SGIP1: variants seen among roughly 807,000 people sequenced by gnomAD.
SGIP1 encodes the protein SH3-containing GRB2-like protein 3-interacting protein 1.
SGIP1 carries 38 observed loss-of-function variants against 107.5 expected under a neutral mutation model. The ratio of observed to expected loss-of-function variants is 0.35; its 90% confidence interval spans 0.27 to 0.46. The LOEUF is 0.46. Among genes scored for constraint, SGIP1 ranks in the 20% least tolerant of loss-of-function variants. The pLI, the probability that SGIP1 is intolerant of heterozygous loss-of-function variation, is 1.00. For synonymous variants in SGIP1, 365 were observed against 366.1 expected, an observed-to-expected ratio of 1.00 and a Z score of 0.03; for missense variants, 929 against 1,019.5, an observed-to-expected ratio of 0.91 and a Z score of 1.21.
At chr1:66,548,682 T>C (rs533575638) in intron 1 of SGIP1, among the ~76,000 whole-genome samples, 1 of 152,176 alleles carries the variant, frequency 6.6e-6, no homozygotes, top group Non-Finnish European at 1.5e-5. Context: ...ATCAGAAAGA[T>C]AGAAATACTT....
chr1:66,595,989 A>G (rs538528465), intron 1 of SGIP1, among the ~76,000 whole-genome samples: 10 of 152,364 alleles, frequency 6.6e-5, no homozygotes, highest in African/African-American at 1.7e-4. Flanking sequence ...ACTGTTCTGT[A>G]GCTTGACTAT....
chr1:66,740,209 A>T (rs1268580007), intron 22 of SGIP1, among the ~76,000 whole-genome samples: 2 of 152,238 alleles, frequency 1.3e-5, no homozygotes, highest in Non-Finnish European at 2.9e-5. Flanking sequence ...GAATAGATAC[A>T]TTGTGCCTAT....
intron 13 of SGIP1, 146 bp from the exon 14 acceptor site, chr1:66,679,532 G>T: frequency 1.2e-6 from 1 of 807,380 alleles, no homozygotes; most frequent in Non-Finnish European, 1.9e-6. Context: ...CTTTGGCTTT[G>T]AACTTCAAAG....
At chr1:66,634,085 G>A (rs1031398936) in intron 3 of SGIP1, 1 of 1,602,776 alleles carries the variant, frequency 6.2e-7, no homozygotes, top group Admixed American at 1.7e-5. Context: ...TTCAGCAGGG[G>A]AAAAAAAAGA....
intron 1 of SGIP1, among the ~76,000 whole-genome samples, chr1:66,595,601 G>A (rs1003354372): frequency 1.3e-5 from 2 of 152,126 alleles, no homozygotes; most frequent in Non-Finnish European, 2.9e-5. Context: ...CCACTCTCAG[G>A]TTTTGTGCAT....
At chr1:66,690,700 C>G (rs1375300901) in intron 17 of SGIP1, among the ~76,000 whole-genome samples, 1 of 152,182 alleles carries the variant, frequency 6.6e-6, no homozygotes, top group Non-Finnish European at 1.5e-5. Flanking sequence ...TCAGAAATCA[C>G]AAAATTTAGA....
intron 1 of SGIP1, among the ~76,000 whole-genome samples, chr1:66,602,710 A>G (rs1275627980): frequency 6.6e-6 from 1 of 152,134 alleles, no homozygotes; most frequent in Non-Finnish European, 1.5e-5. Context: ...CAAAAGCCCT[A>G]CAGGTGCAAG....
chr1:66,626,080 T>A, intron 2 of SGIP1, 170 bp downstream of exon 2: 1 of 349,602 alleles, frequency 2.9e-6, no homozygotes, highest in Non-Finnish European at 5.1e-6. Flanking sequence ...AGATTTATGC[T>A]AAAAAGGTAA....
intron 1 of SGIP1, among the ~76,000 whole-genome samples, chr1:66,554,816 C>T (rs2148337035): frequency 6.6e-6 from 1 of 152,184 alleles, no homozygotes. Context: ...TAGAAAGAGT[C>T]ACAAATTGGA....
Position 66,718,495 on chromosome 1 carries a change from C to T in SGIP1, c.1631-799C>T, listed in dbSNP as rs1336851495. On this transcript the variant is annotated intron_variant, in intron 18 of 24. Transcript: ENST00000371037. ...TTTGCCATTTAACTAACTATATTAT[C>T]TTGGGCAAGTCACTTACATGGAGCT... is the stretch of plus-strand genomic sequence containing the variant. Among the ~76,000 whole-genome samples the T allele has an allele frequency of 2.0e-5, 3 of 152,058 alleles. No homozygotes were observed. The East Asian group carries it at 5.8e-4, about 29-fold the overall frequency.
At chr1:66,604,733 G>T (rs1386649068) in intron 1 of SGIP1, among the ~76,000 whole-genome samples, 1 of 152,190 alleles carries the variant, frequency 6.6e-6, no homozygotes, top group Non-Finnish European at 1.5e-5. Flanking sequence ...GATCAGCAGT[G>T]GGTTAACTGG....
In SGIP1 at chr1:66,647,408, C is replaced by A. The variant is rs78211228; in HGVS notation, c.459+3689C>A. Among the ~76,000 whole-genome samples the A allele has an allele frequency of 3.6e-3, 542 of 152,236 alleles. 4 individuals are homozygous for A. Among genetic ancestry groups the A allele is most frequent in the African/African-American group, 0.012 (516 of 41,546 alleles). ...ATGGACACATTCACTGCAAGGGAGT[C>A]TGGAAAATGTAGTGTTTTGCTAGAT... On this transcript the variant is annotated intron_variant, in intron 7 of 24. Transcript: ENST00000371037.
intron 1 of SGIP1, chr1:66,616,111 C>T (rs1382009105): frequency 6.6e-6 from 1 of 152,188 alleles, no homozygotes; most frequent in African/African-American, 2.4e-5. Flanking sequence ...AAGAGTTATA[C>T]TTCTTGTTGT....
intron 1 of SGIP1, among the ~76,000 whole-genome samples, chr1:66,563,247 C>T (rs1338224298): frequency 6.6e-6 from 1 of 151,902 alleles, no homozygotes; most frequent in Non-Finnish European, 1.5e-5. Flanking sequence ...AGGGCCGGCA[C>T]GGGAGGTACT....
chr1:66,695,265 A>T, intron 17 of SGIP1, 169 bp from the exon 18 acceptor site: 1 of 1,318,474 alleles, frequency 7.6e-7, no homozygotes, highest in Non-Finnish European at 9.9e-7. Flanking sequence ...TAAAAAAAAA[A>T]AAAAAAGTGT....
chr1:66,744,084 C>A lies in SGIP1; in HGVS notation c.*989C>A, dbSNP rs1306228989. 1 of 152,052 alleles carries A rather than the reference C, an allele frequency of 6.6e-6. No homozygotes were observed. Among genetic ancestry groups the A allele is most frequent in the East Asian group, 1.9e-4 (1 of 5,192 alleles). 9.4% of individuals were successfully genotyped at this position (152,052 alleles called of 1,614,324 possible). A position where few individuals can be genotyped will look rare whatever the true frequency, so the allele number is the denominator to read the frequency against. ...ATGATACCTCACGTCTTCCTCTTTA[C>A]CCACAGGAATCAAAACGCTGAGACT... On this transcript the variant is annotated 3_prime_UTR_variant, in exon 25 of 25. Transcript: ENST00000371037.
Position 66,721,125 on chromosome 1 carries a change from C to T in SGIP1, c.1742+1720C>T, listed in dbSNP as rs76939054. Among the ~76,000 whole-genome samples the T allele has an allele frequency of 1.1e-3, 160 of 152,264 alleles. 3 individuals are homozygous for T. In the East Asian group the frequency reaches 0.029, roughly 27 times the overall value. The stretch of plus-strand genomic sequence containing the variant: ...TTCCACGTCTTTTCTCTTTCATCTT[C>T]AAAACAGAAAGGCCATTTGCCACAT... On this transcript the variant is annotated intron_variant, in intron 19 of 24. Coordinates refer to ENST00000371037, the MANE Select transcript of SGIP1 (RefSeq NM_032291.4).
At chr1:66,742,994 G>A in intron 24 of SGIP1, 79 bp from the exon 25 acceptor site, 1 of 1,453,796 alleles carries the variant, frequency 6.9e-7, no homozygotes, top group Non-Finnish European at 9.6e-7. Context: ...TAGGGAAGGA[G>A]GAATAGAAAA....
At chr1:66,675,792 C>T (rs1203011000) in intron 12 of SGIP1, among the ~76,000 whole-genome samples, 1 of 152,022 alleles carries the variant, frequency 6.6e-6, no homozygotes, top group Non-Finnish European at 1.5e-5. Flanking sequence ...CCTCAGCCTC[C>T]CAAAGTGCTG....
Sources: gnomAD v4.1 joint callset for allele counts (sites outside exome capture counted in the v4.1 genomes callset) on GRCh38, gnomAD v4.1.1 for gene constraint, MANE v1.5 for transcripts, NCBI Gene and HGNC (gene_info 2026-07-23, HGNC 2026-07-21) for gene names.